The following PLEKHO1 variants were observed in gnomAD, a reference collection of about 807,000 sequenced individuals.
PLEKHO1 encodes pleckstrin homology domain-containing family O member 1.
Under a neutral mutation model 41.4 loss-of-function variants are expected in PLEKHO1, and 22 were observed. The ratio of observed to expected loss-of-function variants is 0.53; its 90% CI spans 0.38 to 0.76. PLEKHO1 has a LOEUF of 0.76. PLEKHO1 is among the 30% of genes least tolerant of loss of function. PLEKHO1 has a pLI of 0.00. For synonymous variants in PLEKHO1, 225 were observed against 210.8 expected, an observed-to-expected ratio of 1.07 and a Z score of -0.58; for missense variants, 488 against 518.3, an observed-to-expected ratio of 0.94 and a Z score of 0.57.
chr1:150,159,084 C>T lies in PLEKHO1; in HGVS notation c.791C>T (p.Thr264Ile), dbSNP rs782134113. The T allele has an allele frequency of 1.2e-4, 201 of 1,613,900 alleles. No individual in the cohort carries two copies. Among genetic ancestry groups the T allele is most frequent in the Non-Finnish European group, 1.6e-4 (191 of 1,179,968 alleles). The part of the protein sequence containing the change: ...TPQAPKKLTP[T>I]EKGRCASLEE... ...CAGGCACCCAAGAAGTTGACGCCCA[C>T]AGAGAAAGGCCGCTGCGCCTCCCTG... The change falls in exon 6 of 6, where the codon ACA becomes ATA. Residue 264 changes from threonine (T) to isoleucine (I), a missense_variant. Thr to Ile is a moderately conservative substitution (Grantham distance 89). This residue lies in a region of PLEKHO1 where 337 missense variants were observed against 324.6 expected (regional missense o/e 1.04). Coordinates refer to ENST00000369124, the MANE Select transcript of PLEKHO1 (RefSeq NM_016274.6).
At chr1:150,153,452 A>G (rs895691923) in intron 2 of PLEKHO1, 1 of 151,212 alleles carries the variant, frequency 6.6e-6, no homozygotes, top group Non-Finnish European at 1.5e-5. Flanking sequence ...ACCTCCTGAA[A>G]TTCTGGGATT....
Position 150,159,240 on chromosome 1 carries a change from T to C in PLEKHO1, c.947T>C (p.Leu316Pro). Residue 316 changes from leucine to proline, a missense_variant, in exon 6 of 6, where the codon CTG (leucine) becomes CCG (proline). Leu to Pro is a moderately conservative substitution (Grantham distance 98, BLOSUM62 -3). Coordinates refer to ENST00000369124, the MANE Select transcript of PLEKHO1 (RefSeq NM_016274.6). Reference protein sequence around the residue: ...SRIQDLVARKLEETQELLAEV... With the variant: ...SRIQDLVARKPEETQELLAEV... ...ATCCAGGACCTGGTAGCAAGGAAAC[T>C]GGAGGAGACTCAGGAGCTTCTGGCA... is the stretch of plus-strand genomic sequence containing the variant. 6.2e-7 allele frequency: 1 copy of C among 1,614,000 alleles called. No homozygotes were observed.
At chr1:150,150,861 G>A (rs587712105) in intron 1 of PLEKHO1, 51 bp from the exon 2 acceptor site, 4 of 1,569,040 alleles carry the variant, frequency 2.5e-6, no homozygotes, top group South Asian at 1.1e-5. Flanking sequence ...CGGAGAGGAA[G>A]CGCCGGCTGG....
chr1:150,150,208 G>C lies in PLEKHO1; in HGVS notation c.-50G>C. ...GCCCCCGCGGTGCCGCCGAGGCCCC[G>C]ACGCGGGGCCGCCCCTCGGCTCGCC... On this transcript the variant is annotated 5_prime_UTR_variant, in exon 1 of 6. Transcript: ENST00000369124. 3 of 988,276 alleles carry C rather than the reference G, an allele frequency of 3.0e-6. No homozygotes were observed. The highest frequency in any genetic ancestry group is 3.6e-6 in the Non-Finnish European group (3 of 824,524). 61.2% of individuals were successfully genotyped at this position (988,276 alleles called of 1,614,324 possible). A position where few individuals can be genotyped will look rare whatever the true frequency, so the allele number is the denominator to read the frequency against.
At position 150,150,057 on chromosome 1, in the gene PLEKHO1, G is replaced by C. The variant is rs1659810160; in HGVS notation, c.-201G>C. 6.3e-6 allele frequency: 1 copy of C among 159,538 alleles called. No individual in the cohort carries two copies. Among genetic ancestry groups the C allele is most frequent in the African/African-American group, 2.4e-5 (1 of 41,374 alleles). The allele number at this position is 159,538 out of a possible 1,614,324, so 9.9% of individuals were successfully genotyped here. On this transcript the variant is annotated 5_prime_UTR_variant, in exon 1 of 6. Coordinates refer to ENST00000369124, the MANE Select transcript of PLEKHO1 (RefSeq NM_016274.6). ...CGGGCGTGCGTGTGTGTGCGAGTGC[G>C]AATGCGAGGGAGGCCGGCCTTGAGT...
At position 150,159,147 on chromosome 1, in the gene PLEKHO1, G is replaced by T; in HGVS notation, c.854G>T (p.Arg285Leu). 4 of 1,611,030 alleles carry T rather than the reference G, an allele frequency of 2.5e-6. No individual in the cohort carries two copies. Among genetic ancestry groups the T allele is most frequent in the Non-Finnish European group, 2.5e-6 (3 of 1,178,712 alleles). The change falls in exon 6 of 6, where the codon CGC becomes CTC. Residue 285 changes from arginine to leucine, a missense_variant. Physicochemically the swap from Arg to Leu is moderately radical, Grantham distance 102. Coordinates refer to ENST00000369124, the MANE Select transcript of PLEKHO1 (RefSeq NM_016274.6). ...TCTCAGCGGGATGCTGCCTCTGCCC[G>T]CACCCTCCAGCTGCGGGCTGAGGAA... ...ILSQRDAASA[R>L]TLQLRAEEPP... is the part of the protein sequence containing the mutation.
intron 2 of PLEKHO1, chr1:150,152,688 T>TTAA (rs1659992913): frequency 2.7e-5 from 2 of 74,026 alleles, no homozygotes; most frequent in Non-Finnish European, 5.1e-5. Flanking sequence ...CTTTCTAAAT[T>TTAA]AAAAAAAAAA....
At chr1:150,157,043 A>T (rs1553820568) in intron 4 of PLEKHO1, 28 bp downstream of exon 4, 2 of 1,416,530 alleles carry the variant, frequency 1.4e-6, no homozygotes, top group Non-Finnish European at 2.0e-6. Flanking sequence ...GGGGAGAGGG[A>T]GGAACGCTGG....
chr1:150,150,877 C>T (rs782732131), intron 1 of PLEKHO1, 35 bp from the exon 2 acceptor site: 56 of 1,606,648 alleles, frequency 3.5e-5, no homozygotes, highest in African/African-American at 1.3e-5. Flanking sequence ...GCTGGAATCT[C>T]CTAACCGCCC....
rs782102352 is a variant in PLEKHO1, at chr1:150,157,424, C to T, written c.463C>T (p.Arg155Ter). Reference protein sequence around the residue: ...EEDSYLAHPTRDRAKIQHSRR... With the variant: ...EEDSYLAHPT ...GGACAGCTATCTTGCCCATCCCACT[C>T]GAGACAGGGCAAAAATCCAGCACTC... is the stretch of plus-strand genomic sequence containing the variant. Residue 155 changes from arginine to a stop codon, truncating the protein, a stop_gained, in exon 5 of 6, where the codon CGA becomes TGA. Coordinates refer to ENST00000369124, the MANE Select transcript of PLEKHO1 (RefSeq NM_016274.6). LOFTEE classifies it high-confidence loss of function. 3.1e-6 allele frequency: 5 copies of T among 1,613,962 alleles called. No individual in the cohort carries two copies. Among genetic ancestry groups the T allele is most frequent in the East Asian group, 2.2e-5 (1 of 44,884 alleles).
At chr1:150,152,808 A>G (rs1660007157) in intron 2 of PLEKHO1, 1 of 152,194 alleles carries the variant, frequency 6.6e-6, no homozygotes, top group African/African-American at 2.4e-5. Context: ...ATCAAAGAGA[A>G]AAACATAATA....
chr1:150,151,353 C>A (rs1208616485), intron 2 of PLEKHO1, among the ~76,000 whole-genome samples: 1 of 152,208 alleles, frequency 6.6e-6, no homozygotes, highest in East Asian at 1.9e-4. Flanking sequence ...TTGCTGCCTC[C>A]CACCCTAACC....
chr1:150,156,287 C>A (rs1660164552), intron 3 of PLEKHO1, 81 bp downstream of exon 3: 10 of 1,202,120 alleles, frequency 8.3e-6, no homozygotes, highest in Non-Finnish European at 1.2e-5. Flanking sequence ...CCCTCAGTTT[C>A]TCTCTCAGCA....
At position 150,159,590 on chromosome 1, in the gene PLEKHO1, T is replaced by C; in HGVS notation, c.*67T>C. On this transcript the variant is annotated 3_prime_UTR_variant, in exon 6 of 6. Transcript: ENST00000369124. ...TTATCTCCGTGTTGCTGGATAAAGC[T>C]TTTTTATTTACCTCAATCAAAAAAA... 9.4e-7 allele frequency: 1 copy of C among 1,065,608 alleles called. No individual in the cohort carries two copies. Among genetic ancestry groups the C allele is most frequent in the Non-Finnish European group, 1.3e-6 (1 of 747,662 alleles). The allele number at this position is 1,065,608 out of a possible 1,614,324, so 66.0% of individuals were successfully genotyped here.
intron 2 of PLEKHO1, 52 bp downstream of exon 2, chr1:150,151,110 C>T: frequency 6.2e-7 from 1 of 1,604,364 alleles, no homozygotes; most frequent in Middle Eastern, 1.7e-4. Context: ...CCCACTTTGT[C>T]ACTCCCCAAG....
intron 2 of PLEKHO1, 48 bp from the exon 3 acceptor site, chr1:150,156,018 G>A: frequency 6.4e-7 from 1 of 1,555,936 alleles, no homozygotes; most frequent in Non-Finnish European, 8.8e-7. Flanking sequence ...TCTGGGTGGA[G>A]GGGCTAAATA....
At chr1:150,158,749 C>A (rs782612947) in intron 5 of PLEKHO1, 70 bp from the exon 6 acceptor site, 2 of 1,063,244 alleles carry the variant, frequency 1.9e-6, no homozygotes, top group Admixed American at 2.2e-5. Flanking sequence ...CAGCTTGCAT[C>A]TTTTAGGCAG....
At chr1:150,151,099 C>T in intron 2 of PLEKHO1, 41 bp downstream of exon 2, 2 of 1,610,332 alleles carry the variant, frequency 1.2e-6, no homozygotes, top group African/African-American at 1.3e-5. Flanking sequence ...TTCTCATAGC[C>T]CCCACTTTGT....
intron 2 of PLEKHO1, 144 bp from the exon 3 acceptor site, chr1:150,155,922 G>A: frequency 1.4e-6 from 1 of 709,236 alleles, no homozygotes; most frequent in South Asian, 1.8e-5. Context: ...GACCTTGTAG[G>A]CTTTGGGCAG....
Sources: gnomAD v4.1 joint callset for allele counts (sites outside exome capture counted in the v4.1 genomes callset) on GRCh38, gnomAD v4.1.1 for gene constraint, gnomAD v4.1.1 regional missense constraint, MANE v1.5 for transcripts, NCBI Gene and HGNC (gene_info 2026-07-23, HGNC 2026-07-21) for gene names.